Variants in PRKCG observed in about 807,000 individuals in gnomAD.
PRKCG encodes protein kinase C gamma type.
Under a neutral mutation model 82.0 loss-of-function variants are expected in PRKCG, and 28 were observed. That is an observed-to-expected ratio of 0.34 (90% CI 0.25 to 0.47). The LOEUF is 0.47. Among genes scored for constraint, PRKCG ranks in the 20% least tolerant of loss-of-function variants. The pLI is 1.00. For synonymous variants in PRKCG, 383 were observed against 376.6 expected, an observed-to-expected ratio of 1.02 and a Z score of -0.20; for missense variants, 640 against 952.7, an observed-to-expected ratio of 0.67 and a Z score of 4.32.
chr19:53,885,919 A>T (rs964027280), intron 3 of PRKCG, among the ~76,000 whole-genome samples: 2 of 145,236 alleles, frequency 1.4e-5, no homozygotes, highest in African/African-American at 5.0e-5. Context: ...ACTCATCAAG[A>T]TTTTTTTTTT....
intron 16 of PRKCG, among the ~76,000 whole-genome samples, chr19:53,905,400 C>T (rs2068794823): frequency 6.6e-6 from 1 of 151,094 alleles, no homozygotes. Context: ...CGCTACATCT[C>T]ACCCTCCTCT....
chr19:53,902,926 A>T (rs1348141890), intron 14 of PRKCG, 147 bp from the exon 15 acceptor site: 7 of 703,104 alleles, frequency 1.0e-5, no homozygotes, highest in African/African-American at 1.8e-5. Flanking sequence ...ACGAAACAAA[A>T]AATCACCTGA....
At chr19:53,897,890 C>T in intron 9 of PRKCG, 69 bp from the exon 10 acceptor site, 6 of 1,604,148 alleles carry the variant, frequency 3.7e-6, no homozygotes, top group South Asian at 3.3e-5. Context: ...TGCTGTGTCT[C>T]TTGGGAGCAT....
rs2068601430 is a variant in PRKCG at position 53,882,635 on chromosome 19, C to T, written c.141C>T (p.Thr47=). The part of the protein sequence containing the change: ...KFTARFFKQP[T]FCSHCTDFIW... ...CCGCTCGCTTCTTCAAGCAGCCCAC[C>T]TTCTGCAGCCACTGCACCGACTTCA... Residue 47 remains threonine, a synonymous_variant, in exon 1 of 18, where the codon ACC becomes ACT. Transcript: ENST00000263431. The surrounding 1 kb of genome is among the most constrained non-coding windows in gnomAD (Gnocchi z 6.1). The T allele has an allele frequency of 6.2e-7, 1 of 1,613,044 alleles. No homozygotes were observed. Among genetic ancestry groups the T allele is most frequent in the Admixed American group, 1.7e-5 (1 of 60,002 alleles).
intron 14 of PRKCG, among the ~76,000 whole-genome samples, 167 bp from the exon 15 acceptor site, chr19:53,902,906 A>C (rs1018786331): frequency 5.3e-5 from 8 of 150,352 alleles, no homozygotes; most frequent in East Asian, 1.9e-4. Flanking sequence ...AAAAAAAAAA[A>C]AAAAAAAAAA....
In PRKCG at chr19:53,900,395, G is replaced by T; in HGVS notation, c.1374-24G>T. On this transcript the variant is annotated intron_variant, in intron 12 of 17. Coordinates refer to ENST00000263431, the MANE Select transcript of PRKCG (RefSeq NM_002739.5). This position sits in a 1 kb window ranked among gnomAD's most constrained non-coding sequence, Gnocchi z 4.2. ...AGGATCCAGCCACTGACCTTCTGACGTCCCCACCCACCCCGTCCTCCAGGT... is the reference window on the plus strand; with the variant it reads ...AGGATCCAGCCACTGACCTTCTGACTTCCCCACCCACCCCGTCCTCCAGGT... 1 of 1,614,086 alleles carries T rather than the reference G, an allele frequency of 6.2e-7. No homozygotes were observed. Among genetic ancestry groups the T allele is most frequent in the Non-Finnish European group, 8.5e-7 (1 of 1,179,992 alleles).
At position 53,900,528 on chromosome 19, in the gene PRKCG, G is replaced by A. The variant is rs1394784364; in HGVS notation, c.1436+47G>A. 4 of 1,614,056 alleles carry A rather than the reference G, an allele frequency of 2.5e-6. No homozygotes were observed. The highest frequency in any genetic ancestry group is 3.3e-5 in the Admixed American group (2 of 60,006). On this transcript the variant is annotated intron_variant, in intron 13 of 17. Transcript: ENST00000263431. The surrounding 1 kb of genome is among the most constrained non-coding windows in gnomAD (Gnocchi z 4.2). Reference sequence around the variant, plus strand: ...CGTGGAGGAAATCACGCCCCTGGAAGGGAAGGGATTTGAATATGTGGCTCT... The same window carrying A: ...CGTGGAGGAAATCACGCCCCTGGAAAGGAAGGGATTTGAATATGTGGCTCT...
intron 10 of PRKCG, 135 bp from the exon 11 acceptor site, chr19:53,898,305 A>G (rs2123009763): frequency 7.4e-7 from 1 of 1,359,108 alleles, no homozygotes; most frequent in Middle Eastern, 1.9e-4. Context: ...ACGGGCGGCA[A>G]GTCAGGGCTG....
chr19:53,903,303 GTGTTT>G (rs112181322), intron 15 of PRKCG, 150 bp downstream of exon 15: 35 of 744,330 alleles, frequency 4.7e-5, no homozygotes, highest in African/African-American at 1.0e-4. Context: ...TGTAGACCAG[GTGTTT>G]TGTTTTGTTT....
chr19:53,884,517 G>A lies in PRKCG; in HGVS notation c.285+274G>A, dbSNP rs112596238. 6.6e-6 allele frequency among the ~76,000 whole-genome samples: 1 copy of A among 152,110 alleles called. No individual in the cohort carries two copies. Among genetic ancestry groups the A allele is most frequent in the African/African-American group, 2.4e-5 (1 of 41,414 alleles). ...CTGCCGGGGGTGGGCTGTGATCCAGGGGTGAAGGGATTTAAAAATTGAGAG... is the reference window on the plus strand; with the variant it reads ...CTGCCGGGGGTGGGCTGTGATCCAGAGGTGAAGGGATTTAAAAATTGAGAG... On this transcript the variant is annotated intron_variant, in intron 3 of 17. Transcript: ENST00000263431. The surrounding 1 kb of genome is among the most constrained non-coding windows in gnomAD (Gnocchi z 4.6).
chr19:53,883,314 G>A lies in PRKCG; in HGVS notation c.202+120G>A, dbSNP rs1599937663. ...CCAGAGAGGCGCGGGGGAGCCCGGG[G>A]CGGGGGGTGTGGCAGAGACACAGCC... On this transcript the variant is annotated intron_variant, in intron 2 of 17. Transcript: ENST00000263431. The surrounding 1 kb of genome is among the most constrained non-coding windows in gnomAD (Gnocchi z 5.4). The A allele has an allele frequency of 3.2e-6, 4 of 1,264,016 alleles. No homozygotes were observed. The East Asian group carries it at 7.1e-5, about 22-fold the overall frequency. 78.3% of individuals were successfully genotyped at this position (1,264,016 alleles called of 1,614,324 possible).
rs1280458020 is a variant in PRKCG at position 53,900,487 on chromosome 19, C to G, written c.1436+6C>G. The G allele has an allele frequency of 6.2e-7, 1 of 1,614,144 alleles. No individual in the cohort carries two copies. The highest frequency in any genetic ancestry group is 8.5e-7 in the Non-Finnish European group (1 of 1,180,020). On this transcript the variant is annotated splice_donor_region_variant and intron_variant, in intron 13 of 17. Transcript: ENST00000263431. This position sits in a 1 kb window ranked among gnomAD's most constrained non-coding sequence, Gnocchi z 4.2. ...AATCAGGGCATCATCTACAGGTGAG[C>G]AGCCCCAGGAATTTCCGTGGAGGAA...
In PRKCG at chr19:53,904,606, C is replaced by T. The variant is rs781493422; in HGVS notation, c.1657-29C>T. The T allele has an allele frequency of 5.8e-5, 93 of 1,597,096 alleles. 2 individuals carry two copies. The South Asian group carries it at 1.0e-3, about 17-fold the overall frequency. On this transcript the variant is annotated intron_variant, in intron 15 of 17. Transcript: ENST00000263431. The stretch of plus-strand genomic sequence containing the variant: ...TGGGGAAAGGCAGTTGGGCATGTCC[C>T]TGACTCTCTATCCCCTCCACTTTGA...
At chr19:53,893,748 A>C (rs574470934) in intron 9 of PRKCG, among the ~76,000 whole-genome samples, 2 of 151,252 alleles carry the variant, frequency 1.3e-5, no homozygotes, top group African/African-American at 4.9e-5. Flanking sequence ...GTTTTTTAAA[A>C]TTTTTTAATT....
At chr19:53,906,076 C>T (rs1161594999) in intron 16 of PRKCG, among the ~76,000 whole-genome samples, 1 of 83,700 alleles carries the variant, frequency 1.2e-5, no homozygotes, top group African/African-American at 9.5e-5. Context: ...CCTCCTCCTC[C>T]TCCTCCTCCT....
Position 53,892,812 on chromosome 19 carries a change from ATTC to A in PRKCG, c.822-171_822-169del, listed in dbSNP as rs937739724. On this transcript the variant is annotated intron_variant, in intron 7 of 17. Coordinates refer to ENST00000263431, the MANE Select transcript of PRKCG (RefSeq NM_002739.5). The surrounding 1 kb of genome is among the most constrained non-coding windows in gnomAD (Gnocchi z 5.9). ...CACACGCACACACCCCTCTCTCTCT[ATTC>A]TTCTCTTCTTCTCCCCTCCCTTTCT... Among the ~76,000 whole-genome samples the A allele has an allele frequency of 5.6e-5, 8 of 143,458 alleles. No homozygotes were observed. Among genetic ancestry groups the A allele is most frequent in the Non-Finnish European group, 1.1e-4 (7 of 65,706 alleles). 94.1% of individuals were successfully genotyped at this position (143,458 alleles called of 152,430 possible).
rs1206769053 is a variant in PRKCG, at chr19:53,904,622, T to C, written c.1657-13T>C. 6.2e-7 allele frequency: 1 copy of C among 1,609,850 alleles called. No homozygotes were observed. Among genetic ancestry groups the C allele is most frequent in the Middle Eastern group, 1.7e-4 (1 of 6,058 alleles). The stretch of plus-strand genomic sequence containing the variant: ...GGCATGTCCCTGACTCTCTATCCCC[T>C]CCACTTTGATAGCCTCCCTTCGATG... On this transcript the variant is annotated splice_polypyrimidine_tract_variant and intron_variant, in intron 15 of 17. Coordinates refer to ENST00000263431, the MANE Select transcript of PRKCG (RefSeq NM_002739.5).
At position 53,889,571 on chromosome 19, in the gene PRKCG, A is replaced by C; in HGVS notation, c.286-67A>C. The C allele has an allele frequency of 8.3e-7, 1 of 1,207,460 alleles. No individual in the cohort carries two copies. The highest frequency in any genetic ancestry group is 1.2e-6 in the Non-Finnish European group (1 of 817,442). 74.8% of individuals were successfully genotyped at this position (1,207,460 alleles called of 1,614,324 possible). A position where few individuals can be genotyped will look rare whatever the true frequency, so the allele number is the denominator to read the frequency against. On this transcript the variant is annotated intron_variant, in intron 3 of 17. Coordinates refer to ENST00000263431, the MANE Select transcript of PRKCG (RefSeq NM_002739.5). The surrounding 1 kb of genome is among the most constrained non-coding windows in gnomAD (Gnocchi z 4.4). ...AGAGCAAGGCAGGAGGAAAAGATAA[A>C]AGGGCCCCTCCCCTGGGGTTTTAGG...
At position 53,907,607 on chromosome 19, in the gene PRKCG, C is replaced by G. The variant is rs2068825248; in HGVS notation, c.*712C>G. On this transcript the variant is annotated 3_prime_UTR_variant, in exon 18 of 18. Coordinates refer to ENST00000263431, the MANE Select transcript of PRKCG (RefSeq NM_002739.5). ...CCTCCTCTTCCCTTAGCCTCTCCCA[C>G]CCGGCCACAGCTGCTGGAGAATAAA... 6.5e-6 allele frequency: 1 copy of G among 153,292 alleles called. No homozygotes were observed. The highest frequency in any genetic ancestry group is 2.4e-5 in the African/African-American group (1 of 41,428). 9.5% of individuals were successfully genotyped at this position (153,292 alleles called of 1,614,324 possible).
Sources: gnomAD v4.1 joint callset for allele counts (sites outside exome capture counted in the v4.1 genomes callset) on GRCh38, gnomAD v4.1.1 for gene constraint, Gnocchi (gnomAD v3.1) non-coding constraint, MANE v1.5 for transcripts, NCBI Gene and HGNC (gene_info 2026-07-23, HGNC 2026-07-21) for gene names.